The following COL11A1 variants were observed in gnomAD, a reference collection of about 807,000 sequenced individuals.
COL11A1 encodes the protein collagen alpha-1(XI) chain.
In COL11A1, 74 loss-of-function variants were observed where a neutral mutation model predicts 265.2. That is an observed-to-expected ratio of 0.28 (90% CI 0.23 to 0.34). The LOEUF (loss-of-function observed/expected upper bound fraction) is 0.34, where lower values mean the gene tolerates loss of function less well. COL11A1 is among the 10% of genes least tolerant of loss of function. The pLI, the probability that COL11A1 is intolerant of heterozygous loss-of-function variation, is 1.00. For missense variants in COL11A1, 2,165 were observed against 2,263.6 expected (o/e 0.96, Z 0.88); for synonymous variants, 816 against 727.6 (o/e 1.12, Z -1.96).
At chr1:103,021,176 G>C (rs1012542573) in intron 9 of COL11A1, among the ~76,000 whole-genome samples, 2 of 150,878 alleles carry the variant, frequency 1.3e-5, no homozygotes, top group African/African-American at 4.9e-5. Context: ...AATATTATTA[G>C]TAATAATATT....
intron 62 of COL11A1, among the ~76,000 whole-genome samples, chr1:102,888,087 A>G (rs1651233004): frequency 6.6e-6 from 1 of 152,212 alleles, no homozygotes. Flanking sequence ...AGAAAGAAGA[A>G]TAACATTTCT....
chr1:103,003,323 C>A, intron 20 of COL11A1, 55 bp from the exon 21 acceptor site: 12 of 1,498,078 alleles, frequency 8.0e-6, no homozygotes, highest in Non-Finnish European at 1.1e-5. Flanking sequence ...GTCCTAATAA[C>A]ATGCCTCTTT....
chr1:103,070,279 T>C (rs1671479108), intron 4 of COL11A1, among the ~76,000 whole-genome samples: 1 of 150,726 alleles, frequency 6.6e-6, no homozygotes, highest in Non-Finnish European at 1.5e-5. Flanking sequence ...AAGATCATTA[T>C]ACTAAGTAAG....
intron 1 of COL11A1, among the ~76,000 whole-genome samples, chr1:103,094,696 G>A (rs919610944): frequency 6.6e-6 from 1 of 151,952 alleles, no homozygotes; most frequent in South Asian, 2.1e-4. Flanking sequence ...TCATCCTTAT[G>A]TTTCTTAAGA....
At chr1:103,061,897 C>T (rs559790358) in intron 4 of COL11A1, among the ~76,000 whole-genome samples, 46 of 152,028 alleles carry the variant, frequency 3.0e-4, no homozygotes, top group African/African-American at 1.1e-3. Flanking sequence ...AGCATCCAAA[C>T]CAAAACCTGA....
rs1663721094 is a variant in COL11A1, at chr1:102,987,754, T to TAAC, written c.2395-17_2395-15dup. The TAAC allele has an allele frequency of 6.3e-7, 1 of 1,587,550 alleles. No individual in the cohort carries two copies. Among genetic ancestry groups the TAAC allele is most frequent in the African/African-American group, 1.3e-5 (1 of 74,370 alleles). ...ACCAACTTCTCCCTGAGGCACAGAA[T>TAAC]AACAACATTCTTATGAGTGAAACGT... On this transcript the variant is annotated splice_polypyrimidine_tract_variant and intron_variant, in intron 29 of 66. Coordinates refer to ENST00000370096, the MANE Select transcript of COL11A1 (RefSeq NM_001854.4).
chr1:103,032,714 T>C (rs957222941), intron 4 of COL11A1, among the ~76,000 whole-genome samples: 2 of 152,124 alleles, frequency 1.3e-5, no homozygotes, highest in Admixed American at 6.6e-5. Context: ...TTTTTATTTG[T>C]ATCATTCTTT....
intron 42 of COL11A1, among the ~76,000 whole-genome samples, chr1:102,943,608 T>C (rs999981364): frequency 3.3e-5 from 5 of 152,088 alleles, no homozygotes; most frequent in African/African-American, 1.2e-4. Flanking sequence ...CACGTGGTAA[T>C]CCAAAAATAT....
Position 102,936,113 on chromosome 1 carries a change from G to T in COL11A1, c.3439-1000C>A, listed in dbSNP as rs557968345. Among the ~76,000 whole-genome samples the T allele has an allele frequency of 2.0e-5, 3 of 152,082 alleles. No individual in the cohort carries two copies. The East Asian group carries it at 5.8e-4, about 29-fold the overall frequency. ...ATGTCATGGATGTAATTGTATTGATGAGGCTTTGAAAGTTATTAATATTAT... is the reference window on the plus strand; with the variant it reads ...ATGTCATGGATGTAATTGTATTGATTAGGCTTTGAAAGTTATTAATATTAT... On this transcript the variant is annotated intron_variant, in intron 44 of 66. Coordinates refer to ENST00000370096, the MANE Select transcript of COL11A1 (RefSeq NM_001854.4).
intron 46 of COL11A1, among the ~76,000 whole-genome samples, chr1:102,928,167 G>T (rs1355563138): frequency 6.6e-6 from 1 of 151,808 alleles, no homozygotes. Context: ...AGTTACATAT[G>T]TATACATGTG....
intron 57 of COL11A1, among the ~76,000 whole-genome samples, chr1:102,891,652 A>G (rs1034184404): frequency 9.3e-5 from 14 of 150,466 alleles, no homozygotes; most frequent in East Asian, 3.9e-4. Context: ...AGGTGGGAGG[A>G]CCGCTTGAAC....
chr1:103,034,923 C>G (rs1668248375), intron 4 of COL11A1, among the ~76,000 whole-genome samples: 1 of 152,030 alleles, frequency 6.6e-6, no homozygotes, highest in African/African-American at 2.4e-5. Flanking sequence ...AAGTAATTCT[C>G]TAAGTAAGTA....
At chr1:103,045,093 T>G (rs1275013063) in intron 4 of COL11A1, among the ~76,000 whole-genome samples, 6 of 151,820 alleles carry the variant, frequency 4.0e-5, no homozygotes, top group African/African-American at 1.5e-4. Context: ...AGGCAAGAGA[T>G]TAATTAATAT....
intron 37 of COL11A1, among the ~76,000 whole-genome samples, chr1:102,968,681 C>T (rs887446229): frequency 3.9e-5 from 6 of 152,132 alleles, no homozygotes; most frequent in East Asian, 1.9e-4. Context: ...GGCTATAGGA[C>T]GATTCACTAT....
chr1:103,036,690 T>C (rs1668398851), intron 4 of COL11A1, among the ~76,000 whole-genome samples: 1 of 152,056 alleles, frequency 6.6e-6, no homozygotes, highest in East Asian at 1.9e-4. Flanking sequence ...AACAAGCTCA[T>C]TGTTACAGAT....
At chr1:102,964,963 T>C (rs1661266978) in intron 38 of COL11A1, among the ~76,000 whole-genome samples, 1 of 152,214 alleles carries the variant, frequency 6.6e-6, no homozygotes, top group African/African-American at 2.4e-5. Flanking sequence ...TACTTGTCTT[T>C]TCCACTATTT....
chr1:102,983,015 G>A (rs71664950), intron 31 of COL11A1, among the ~76,000 whole-genome samples: 3,290 of 151,946 alleles, frequency 0.022, 58 homozygotes, highest in Middle Eastern at 0.095. Flanking sequence ...AAACTATCCC[G>A]CACTTCTCTG....
At chr1:102,944,436 G>A (rs1659041764) in intron 42 of COL11A1, among the ~76,000 whole-genome samples, 1 of 152,002 alleles carries the variant, frequency 6.6e-6, no homozygotes, top group South Asian at 2.1e-4. Context: ...AGCTAATTTT[G>A]GCTAATAGAA....
At chr1:102,949,913 A>T (rs1363484533) in intron 41 of COL11A1, among the ~76,000 whole-genome samples, 1 of 152,204 alleles carries the variant, frequency 6.6e-6, no homozygotes, top group Non-Finnish European at 1.5e-5. Flanking sequence ...ACTTAAAGGA[A>T]TTGATGAAAA....
Sources: gnomAD v4.1 joint callset for allele counts (sites outside exome capture counted in the v4.1 genomes callset) on GRCh38, gnomAD v4.1.1 for gene constraint, MANE v1.5 for transcripts, NCBI Gene and HGNC (gene_info 2026-07-23, HGNC 2026-07-21) for gene names.